Variants in NLGN4X observed in about 807,000 individuals in gnomAD.
The protein encoded by NLGN4X is neuroligin-4, X-linked.
A neutral mutation model predicts 40.3 loss-of-function variants in NLGN4X; 3 were observed. The ratio of observed to expected loss-of-function variants is 0.07; its 90% CI spans 0.03 to 0.19. The LOEUF is 0.19. Ranked by LOEUF, NLGN4X falls within the 10% of genes least tolerant of loss-of-function variation. The pLI is 1.00. For missense variants in NLGN4X, 382 were observed against 708.3 expected (o/e 0.54, Z 5.23); for synonymous variants, 270 against 306.8 (o/e 0.88, Z 1.25).
intron 2 of NLGN4X, among the ~76,000 whole-genome samples, chrX:6,073,803 T>A (rs2038127436): frequency 9.0e-6 from 1 of 111,254 alleles, no homozygotes; most frequent in East Asian, 2.9e-4. Flanking sequence ...AAATGGTACA[T>A]TTTATGTCAT....
intron 3 of NLGN4X, among the ~76,000 whole-genome samples, chrX:5,967,611 G>A (rs892082272): frequency 9.0e-6 from 1 of 111,573 alleles, no homozygotes; most frequent in Non-Finnish European, 1.9e-5. Flanking sequence ...CTTGCACTGG[G>A]GAGAAGGAAA....
At chrX:6,022,891 A>G (rs147900209) in intron 3 of NLGN4X, among the ~76,000 whole-genome samples, 69 of 111,725 alleles carry the variant, frequency 6.2e-4, no homozygotes, top group African/African-American at 2.1e-3. Flanking sequence ...AATTATGACT[A>G]CAAATGCTGT....
chrX:6,077,183 T>G (rs1260414599), intron 2 of NLGN4X, among the ~76,000 whole-genome samples: 5 of 111,871 alleles, frequency 4.5e-5, no homozygotes, highest in African/African-American at 1.6e-4. Context: ...AGAGAGAAAT[T>G]TATACTATGT....
intron 1 of NLGN4X, among the ~76,000 whole-genome samples, chrX:6,218,621 T>C (rs1333293399): frequency 8.9e-6 from 1 of 111,960 alleles, no homozygotes; most frequent in Non-Finnish European, 1.9e-5. Context: ...ATCTTCTTTG[T>C]ACCCCACTTA....
Position 5,902,934 on chromosome X carries a change from G to A in NLGN4X, c.1601+143C>T, listed in dbSNP as rs1601855564. The A allele has an allele frequency of 3.9e-5, 26 of 661,928 alleles. No homozygotes were observed. In the South Asian group the frequency reaches 5.7e-4, roughly 15 times the overall value. 54.6% of individuals were successfully genotyped at this position (661,928 alleles called of 1,213,427 possible). ...CTGTTACTGCTGTGTGTGTAAGCGT[G>A]TGTCTGTGTGTATGTGTGTGCATGC... On this transcript the variant is annotated intron_variant, in intron 5 of 5. Transcript: ENST00000381095.
At chrX:6,225,689 C>T (rs112984192) in intron 1 of NLGN4X, among the ~76,000 whole-genome samples, 4,719 of 26,582 alleles carry the variant, frequency 0.18, 406 homozygotes, top group Non-Finnish European at 0.24. Context: ...TTCTTTTTTT[C>T]TTTTTTTTTT....
At chrX:6,196,581 A>AAAAAAAAAAT (rs1923110091) in intron 1 of NLGN4X, among the ~76,000 whole-genome samples, 15 of 102,113 alleles carry the variant, frequency 1.5e-4, no homozygotes, top group South Asian at 4.5e-4. Context: ...AAAAAAAAAA[A>AAAAAAAAAAT]GTGTCTCATG....
At chrX:6,167,025 T>C (rs1445577146) in intron 1 of NLGN4X, among the ~76,000 whole-genome samples, 2 of 96,376 alleles carry the variant, frequency 2.1e-5, no homozygotes, top group African/African-American at 8.2e-5. Flanking sequence ...TGAGCCATGA[T>C]CGCACCACTA....
At chrX:6,167,871 G>A (rs1044720057) in intron 1 of NLGN4X, among the ~76,000 whole-genome samples, 2 of 111,815 alleles carry the variant, frequency 1.8e-5, no homozygotes, top group African/African-American at 6.5e-5. Flanking sequence ...ATTATAACCT[G>A]AACCATGGCC....
chrX:5,991,610 G>T (rs2035688014), intron 3 of NLGN4X: 6 of 451,106 alleles, frequency 1.3e-5, no homozygotes, highest in Non-Finnish European at 4.1e-6. Context: ...TTCTCAGCAT[G>T]CAGTGTTCAG....
In NLGN4X at chrX:6,029,313, C is replaced by G. The variant is rs768152013; in HGVS notation, c.592G>C (p.Val198Leu). The change falls in exon 3 of 6, where the codon GTG becomes CTG. Residue 198 changes from valine to leucine, a missense_variant. Coordinates refer to ENST00000381095, the MANE Select transcript of NLGN4X (RefSeq NM_181332.3). The part of the protein sequence containing the change: ...SILASYGNVI[V>L]ITINYRLGIL... ...CCCAGACGGTAGTTAATGGTGATCA[C>G]GATGACGTTTCCGTAGCTTGCCAAA... The G allele has an allele frequency of 8.3e-7, 1 of 1,211,110 alleles. No individual in the cohort carries two copies. Among genetic ancestry groups the G allele is most frequent in the Admixed American group, 2.2e-5 (1 of 45,966 alleles).
At chrX:5,979,325 T>A (rs982252715) in intron 3 of NLGN4X, among the ~76,000 whole-genome samples, 4 of 111,416 alleles carry the variant, frequency 3.6e-5, no homozygotes, top group Non-Finnish European at 7.5e-5. Flanking sequence ...TTGGTCTTGG[T>A]ATGGACATAT....
intron 1 of NLGN4X, among the ~76,000 whole-genome samples, chrX:6,186,598 G>T (rs1322680022): frequency 8.9e-6 from 1 of 112,179 alleles, no homozygotes; most frequent in African/African-American, 3.2e-5. Flanking sequence ...GAAACCTTAT[G>T]AGTTTGAGAA....
intron 5 of NLGN4X, among the ~76,000 whole-genome samples, chrX:5,899,690 CTTTT>C (rs72374207): frequency 2.1e-5 from 2 of 96,007 alleles, no homozygotes; most frequent in Non-Finnish European, 4.2e-5. Flanking sequence ...GTCTTTTTTC[CTTTT>C]TTTTTTTTTT....
intron 3 of NLGN4X, among the ~76,000 whole-genome samples, chrX:5,918,642 CT>C: frequency 8.9e-6 from 1 of 112,237 alleles, no homozygotes; most frequent in Non-Finnish European, 1.9e-5. Flanking sequence ...TCTTTAAGTT[CT>C]TAATTATTTA....
intron 3 of NLGN4X, among the ~76,000 whole-genome samples, chrX:6,025,097 T>C (rs894866526): frequency 1.8e-5 from 2 of 111,506 alleles, no homozygotes; most frequent in African/African-American, 3.3e-5. Context: ...AATCTGTTTA[T>C]AGAAGTGCAG....
rs918054067 is a variant in NLGN4X, at chrX:6,212,364, T to G, written c.-306+16177A>C. ...TGCTTCTTAAGCAATGCTTAAGTAA[T>G]AACCGCCTGTATGCATATTAAAATT... On this transcript the variant is annotated intron_variant, in intron 1 of 5. Coordinates refer to ENST00000381095, the MANE Select transcript of NLGN4X (RefSeq NM_181332.3). Among the ~76,000 whole-genome samples, 12 of 110,551 alleles carry G rather than the reference T, an allele frequency of 1.1e-4. 1 individual carries two copies. The highest frequency in any genetic ancestry group is 1.1e-3 in the Admixed American group (11 of 10,309).
intron 2 of NLGN4X, among the ~76,000 whole-genome samples, chrX:6,048,196 G>A (rs1000893786): frequency 8.9e-6 from 1 of 111,768 alleles, no homozygotes; most frequent in Non-Finnish European, 1.9e-5. Context: ...GACACGAGAC[G>A]CAGTTGATAA....
Position 6,093,587 on chromosome X carries a change from G to C in NLGN4X, c.472+57408C>G, listed in dbSNP as rs762698737. On this transcript the variant is annotated intron_variant, in intron 2 of 5. Transcript: ENST00000381095. ...TCAAATATCTTCAAACTCATAAATA[G>C]CATAAGTTATGCAATTACTAGACTG... Among the ~76,000 whole-genome samples, 7 of 110,884 alleles carry C rather than the reference G, an allele frequency of 6.3e-5. No individual in the cohort carries two copies. In the South Asian group the frequency reaches 2.3e-3, roughly 36 times the overall value.
Sources: allele counts gnomAD v4.1 joint callset (sites outside exome capture counted in the v4.1 genomes callset), GRCh38; gene constraint gnomAD v4.1.1; transcripts MANE v1.5; gene names NCBI Gene and HGNC (gene_info 2026-07-23, HGNC 2026-07-21).